TMEM209: variants seen among roughly 807,000 people sequenced by gnomAD.
TMEM209 encodes the protein transmembrane protein 209.
A neutral mutation model predicts 76.2 loss-of-function variants in TMEM209; 65 were observed. That is an observed-to-expected ratio of 0.85 (90% CI 0.70 to 1.05). The LOEUF is 1.05. Among genes scored for constraint, TMEM209 ranks in the 50% least tolerant of loss-of-function variants. The pLI is 0.00. For synonymous variants in TMEM209, 239 were observed against 237.6 expected, an observed-to-expected ratio of 1.01 and a Z score of -0.06; for missense variants, 623 against 685.5, an observed-to-expected ratio of 0.91 and a Z score of 1.02.
chr7:130,175,258 T>TC (rs1797195538), intron 11 of TMEM209: 2 of 350,812 alleles, frequency 5.7e-6, no homozygotes, highest in Non-Finnish European at 1.0e-5. Flanking sequence ...ACCCAGGACT[T>TC]CAAGACCAGC....
At chr7:130,191,087 A>C (rs1797780341) in intron 6 of TMEM209, among the ~76,000 whole-genome samples, 1 of 152,126 alleles carries the variant, frequency 6.6e-6, no homozygotes, top group African/African-American at 2.4e-5. Context: ...AAAATACTTA[A>C]TTTTCGAAAA....
At position 130,181,671 on chromosome 7, in the gene TMEM209, C is replaced by G. The variant is rs371439302; in HGVS notation, c.1072G>C (p.Val358Leu). Residue 358 changes from valine (V) to leucine (L), a missense_variant, in exon 9 of 15, where the codon GTC (valine) becomes CTC (leucine). Coordinates refer to ENST00000397622, the MANE Select transcript of TMEM209 (RefSeq NM_032842.4). ...LVPLVQEIES[V>L]STQMRRMGCP... ...CCCATTCGTCTCATCTGTGTGCTGACAGACTCAATCTCTTGAACAAGTGGC... is the reference window on the plus strand; with the variant it reads ...CCCATTCGTCTCATCTGTGTGCTGAGAGACTCAATCTCTTGAACAAGTGGC... 5.0e-6 allele frequency: 8 copies of G among 1,612,278 alleles called. No homozygotes were observed. Among genetic ancestry groups the G allele is most frequent in the Non-Finnish European group, 6.8e-6 (8 of 1,179,290 alleles).
chr7:130,167,646 T>C (rs1177349198), intron 14 of TMEM209, among the ~76,000 whole-genome samples: 1 of 152,168 alleles, frequency 6.6e-6, no homozygotes, highest in Non-Finnish European at 1.5e-5. Context: ...CAGTGTCTTT[T>C]CCCAAACAGA....
At chr7:130,194,591 T>C (rs1037668542) in intron 5 of TMEM209, among the ~76,000 whole-genome samples, 2 of 152,228 alleles carry the variant, frequency 1.3e-5, no homozygotes, top group African/African-American at 4.8e-5. Flanking sequence ...AATGTTACAA[T>C]GAAGATAGCT....
intron 7 of TMEM209, among the ~76,000 whole-genome samples, 152 bp downstream of exon 7, chr7:130,185,040 G>A (rs1173499189): frequency 6.6e-6 from 1 of 152,170 alleles, no homozygotes; most frequent in Non-Finnish European, 1.5e-5. Flanking sequence ...GGCACACAAA[G>A]TAAGACAGGA....
At chr7:130,171,149 T>G (rs1474063187) in intron 13 of TMEM209, among the ~76,000 whole-genome samples, 1 of 152,168 alleles carries the variant, frequency 6.6e-6, no homozygotes, top group Non-Finnish European at 1.5e-5. Flanking sequence ...TTGGTGCCCC[T>G]GTACACTACA....
intron 6 of TMEM209, among the ~76,000 whole-genome samples, chr7:130,186,755 G>C (rs1797611835): frequency 6.6e-6 from 1 of 151,730 alleles, no homozygotes; most frequent in South Asian, 2.1e-4. Context: ...TGACAAAATA[G>C]GGCCTTTCCA....
chr7:130,195,287 G>A (rs1332497535), intron 5 of TMEM209, among the ~76,000 whole-genome samples: 1 of 151,986 alleles, frequency 6.6e-6, no homozygotes, highest in Non-Finnish European at 1.5e-5. Flanking sequence ...TCTTCATCTA[G>A]CATCTCTTAT....
intron 14 of TMEM209, among the ~76,000 whole-genome samples, chr7:130,166,800 TAAAGTA>T (rs1027805529): frequency 6.6e-6 from 1 of 152,106 alleles, no homozygotes; most frequent in African/African-American, 2.4e-5. Flanking sequence ...CAAGCAAGAT[TAAAGTA>T]AAAGTATCAA....
intron 9 of TMEM209, 77 bp downstream of exon 9, chr7:130,181,546 A>C: frequency 8.0e-7 from 1 of 1,251,630 alleles, no homozygotes; most frequent in African/African-American, 1.5e-5. Context: ...AAATAAGTTA[A>C]GCCGTCCATT....
At chr7:130,202,494 C>A (rs780124284) in intron 4 of TMEM209, 38 bp downstream of exon 4, 1 of 1,568,006 alleles carries the variant, frequency 6.4e-7, no homozygotes, top group Non-Finnish European at 8.6e-7. Flanking sequence ...TTATTGCCAA[C>A]CTTTTCCCCA....
intron 6 of TMEM209, 90 bp from the exon 7 acceptor site, chr7:130,185,457 A>T: frequency 8.9e-7 from 1 of 1,125,352 alleles, no homozygotes; most frequent in South Asian, 1.9e-5. Flanking sequence ...GCAATCCAGG[A>T]ATCAGAAGAC....
intron 8 of TMEM209, among the ~76,000 whole-genome samples, chr7:130,183,949 T>C (rs924209664): frequency 1.3e-5 from 2 of 152,128 alleles, no homozygotes; most frequent in African/African-American, 4.8e-5. Context: ...ACTAAACATA[T>C]TATTCCTTTA....
At chr7:130,179,200 T>C (rs1797334239) in intron 9 of TMEM209, among the ~76,000 whole-genome samples, 1 of 152,084 alleles carries the variant, frequency 6.6e-6, no homozygotes, top group South Asian at 2.1e-4. Context: ...CCCAGAATAG[T>C]ATTAACACCT....
At chr7:130,204,840 T>G (rs1319054287) in intron 1 of TMEM209, 1 of 692,224 alleles carries the variant, frequency 1.4e-6, no homozygotes, top group Admixed American at 5.4e-5. Flanking sequence ...TCATAAAGAC[T>G]GTTGTACATC....
At chr7:130,202,181 G>C in intron 4 of TMEM209, 90 bp from the exon 5 acceptor site, 1 of 1,456,798 alleles carries the variant, frequency 6.9e-7, no homozygotes, top group East Asian at 2.3e-5. Context: ...TTTCTCTTAA[G>C]GGAAAAAAGT....
At chr7:130,183,138 CAT>C (rs760447011) in intron 8 of TMEM209, among the ~76,000 whole-genome samples, 18 of 152,278 alleles carry the variant, frequency 1.2e-4, no homozygotes, top group Non-Finnish European at 2.6e-4. Context: ...ATATTTTAAA[CAT>C]GTTAGCATTT....
intron 14 of TMEM209, among the ~76,000 whole-genome samples, chr7:130,167,786 G>A (rs1796927777): frequency 6.6e-6 from 1 of 151,882 alleles, no homozygotes; most frequent in Non-Finnish European, 1.5e-5. Context: ...TCAATCTGTG[G>A]GTTTATGGTC....
intron 10 of TMEM209, 50 bp downstream of exon 10, chr7:130,178,352 C>G (rs1797306067): frequency 6.6e-7 from 1 of 1,505,108 alleles, no homozygotes; most frequent in African/African-American, 1.4e-5. Flanking sequence ...TGATAAAATT[C>G]CAGCATAGTA....
Sources: allele counts gnomAD v4.1 joint callset (sites outside exome capture counted in the v4.1 genomes callset), GRCh38; gene constraint gnomAD v4.1.1; transcripts MANE v1.5; gene names NCBI Gene and HGNC (gene_info 2026-07-23, HGNC 2026-07-21).